Variants in ATXN7L1 observed in about 807,000 individuals in gnomAD.
ATXN7L1 encodes the protein ataxin-7-like protein 1.
ATXN7L1 carries 15 observed loss-of-function variants against 70.8 expected under a neutral mutation model. That is an observed-to-expected ratio of 0.21 (90% CI 0.14 to 0.33). The LOEUF is 0.33. Among genes scored for constraint, ATXN7L1 ranks in the 10% least tolerant of loss-of-function variants. The pLI is 1.00. For missense variants in ATXN7L1, 975 were observed against 1,097.1 expected (o/e 0.89, Z 1.57); for synonymous variants, 440 against 445.1 (o/e 0.99, Z 0.14).
chr7:105,866,659 C>T (rs558884931), intron 2 of ATXN7L1, among the ~76,000 whole-genome samples: 1 of 152,302 alleles, frequency 6.6e-6, no homozygotes, highest in South Asian at 2.1e-4. Flanking sequence ...GCCAGCCAAA[C>T]GGCATCAGCT....
At chr7:105,718,837 A>G (rs1794863681) in intron 3 of ATXN7L1, among the ~76,000 whole-genome samples, 1 of 152,238 alleles carries the variant, frequency 6.6e-6, no homozygotes, top group South Asian at 2.1e-4. Flanking sequence ...AAAAAAGCAG[A>G]AGCCAAGAGA....
intron 3 of ATXN7L1, among the ~76,000 whole-genome samples, chr7:105,707,054 T>G (rs974275518): frequency 6.6e-6 from 1 of 152,240 alleles, no homozygotes; most frequent in African/African-American, 2.4e-5. Flanking sequence ...CATTTAGCAC[T>G]TCTACTCCGA....
chr7:105,861,139 A>AC (rs1563151509), intron 2 of ATXN7L1, among the ~76,000 whole-genome samples: 6 of 152,062 alleles, frequency 3.9e-5, no homozygotes, highest in African/African-American at 1.4e-4. Flanking sequence ...GCAGAGGCAG[A>AC]GAAGGGGGCA....
intron 2 of ATXN7L1, among the ~76,000 whole-genome samples, chr7:105,791,091 T>A (rs1247374980): frequency 6.6e-6 from 1 of 152,164 alleles, no homozygotes; most frequent in Non-Finnish European, 1.5e-5. Context: ...AACTGACAGG[T>A]TTATCATAGG....
At chr7:105,711,051 GA>G (rs777713800) in intron 3 of ATXN7L1, among the ~76,000 whole-genome samples, 2 of 152,166 alleles carry the variant, frequency 1.3e-5, no homozygotes, top group Non-Finnish European at 2.9e-5. Flanking sequence ...CAGCATGGGG[GA>G]AACCGCCCCC....
At chr7:105,648,505 C>T (rs1799396066) in intron 4 of ATXN7L1, among the ~76,000 whole-genome samples, 1 of 152,236 alleles carries the variant, frequency 6.6e-6, no homozygotes, top group Admixed American at 6.5e-5. Context: ...GAAACGGTCA[C>T]AGGATAGTGC....
chr7:105,777,676 T>C (rs941929687), intron 3 of ATXN7L1, among the ~76,000 whole-genome samples: 3 of 152,224 alleles, frequency 2.0e-5, no homozygotes, highest in African/African-American at 4.8e-5. Flanking sequence ...ACCACGATGA[T>C]CTGTTACCGC....
intron 2 of ATXN7L1, among the ~76,000 whole-genome samples, chr7:105,795,664 C>T (rs1330804868): frequency 6.6e-6 from 1 of 152,160 alleles, no homozygotes; most frequent in South Asian, 2.1e-4. Context: ...ACCAGATGTA[C>T]AGAGAAGCTG....
intron 3 of ATXN7L1, among the ~76,000 whole-genome samples, chr7:105,743,187 G>A (rs1228085040): frequency 1.3e-5 from 2 of 152,186 alleles, no homozygotes; most frequent in Non-Finnish European, 2.9e-5. Flanking sequence ...AGGAGGGGAA[G>A]AGGTACAGGG....
At chr7:105,652,128 T>C (rs1799940070) in intron 4 of ATXN7L1, among the ~76,000 whole-genome samples, 1 of 151,856 alleles carries the variant, frequency 6.6e-6, no homozygotes, top group South Asian at 2.1e-4. Flanking sequence ...GAGGAGAAGA[T>C]AAAAAAGGAA....
intron 2 of ATXN7L1, among the ~76,000 whole-genome samples, chr7:105,874,873 G>A (rs781489729): frequency 6.6e-6 from 1 of 152,174 alleles, no homozygotes; most frequent in African/African-American, 2.4e-5. Flanking sequence ...GATGACCAAT[G>A]CACCTATGGC....
intron 2 of ATXN7L1, among the ~76,000 whole-genome samples, chr7:105,828,434 C>T (rs1250838740): frequency 1.3e-5 from 2 of 152,184 alleles, no homozygotes; most frequent in South Asian, 2.1e-4. Flanking sequence ...CAGGCACACA[C>T]AGCATCTTGG....
In ATXN7L1 at chr7:105,614,262, G is replaced by A. The variant is rs147110682; in HGVS notation, c.2072C>T (p.Ala691Val). 38 of 1,551,660 alleles carry A rather than the reference G, an allele frequency of 2.4e-5. No homozygotes were observed. The highest frequency in any genetic ancestry group is 1.7e-4 in the East Asian group (7 of 40,934). The change falls in exon 10 of 12, where the codon GCG becomes GTG. Residue 691 changes from alanine to valine, a missense_variant. By Grantham distance (64) the Ala-to-Val change is moderately conservative. This residue lies in a region of ATXN7L1 where 635 missense variants were observed against 699.4 expected (regional missense o/e 0.91). Coordinates refer to ENST00000419735, the MANE Select transcript of ATXN7L1 (RefSeq NM_020725.2). The surrounding 1 kb of genome is among the most constrained non-coding windows in gnomAD (Gnocchi z 4.3). ...NASSALNSYQ[A>V]APPYNSLSVH... ...AGACAGGCTGTTATAGGGAGGGGCC[G>A]CCTGATAGGAGTTCAAAGCAGAACT...
intron 8 of ATXN7L1, among the ~76,000 whole-genome samples, chr7:105,622,325 G>T (rs561108911): frequency 8.3e-4 from 126 of 152,348 alleles, no homozygotes; most frequent in African/African-American, 3.0e-3. Context: ...CCTTCTGGCA[G>T]AGCCTCATAT....
At chr7:105,831,584 GC>G (rs1322104952) in intron 2 of ATXN7L1, among the ~76,000 whole-genome samples, 1 of 152,102 alleles carries the variant, frequency 6.6e-6, no homozygotes, top group Non-Finnish European at 1.5e-5. Flanking sequence ...CTCTCCTGAA[GC>G]CCCACAAAAA....
chr7:105,810,745 G>A (rs1458086974), intron 2 of ATXN7L1, among the ~76,000 whole-genome samples: 14 of 152,234 alleles, frequency 9.2e-5, no homozygotes, highest in Admixed American at 8.5e-4. Context: ...TGGGGGCGGC[G>A]GAAAGGCTGT....
chr7:105,683,295 G>T (rs933865223), intron 3 of ATXN7L1, among the ~76,000 whole-genome samples: 2 of 152,114 alleles, frequency 1.3e-5, no homozygotes, highest in African/African-American at 4.8e-5. Context: ...TCTCCTTTAC[G>T]TATTGATACT....
At chr7:105,851,672 G>T (rs1814902559) in intron 2 of ATXN7L1, among the ~76,000 whole-genome samples, 1 of 152,104 alleles carries the variant, frequency 6.6e-6, no homozygotes, top group Admixed American at 6.5e-5. Flanking sequence ...CTGGGCACAG[G>T]TGTGTCTCCC....
intron 3 of ATXN7L1, among the ~76,000 whole-genome samples, chr7:105,749,503 G>A (rs59557563): frequency 0.02 from 3,004 of 151,508 alleles, 86 homozygotes; most frequent in African/African-American, 0.07. Context: ...GAGAAAAGGG[G>A]CCACTAAGAG....
Sources: gnomAD v4.1 joint callset for allele counts (sites outside exome capture counted in the v4.1 genomes callset) on GRCh38, gnomAD v4.1.1 for gene constraint, gnomAD v4.1.1 regional missense constraint, Gnocchi (gnomAD v3.1) non-coding constraint, MANE v1.5 for transcripts, NCBI Gene and HGNC (gene_info 2026-07-23, HGNC 2026-07-21) for gene names.